The following CNTNAP4 variants were observed in gnomAD, a reference collection of about 807,000 sequenced individuals.
The protein encoded by CNTNAP4 is contactin associated protein family member 4, also known as contactin-associated protein-like 4.
CNTNAP4 carries 98 observed loss-of-function variants against 148.4 expected under a neutral mutation model. The ratio of observed to expected loss-of-function variants is 0.66; its 90% CI spans 0.56 to 0.78. The LOEUF (loss-of-function observed/expected upper bound fraction) is 0.78. Ranked by LOEUF, CNTNAP4 falls within the 30% of genes least tolerant of loss-of-function variation. The pLI, the probability that CNTNAP4 is intolerant of heterozygous loss-of-function variation, is 0.00. For synonymous variants in CNTNAP4, 730 were observed against 565.1 expected, an observed-to-expected ratio of 1.29 and a Z score of -4.14; for missense variants, 1,935 against 1,565.6, an observed-to-expected ratio of 1.24 and a Z score of -3.98.
chr16:76,553,722 G>A (rs541034063), intron 22 of CNTNAP4, 114 bp from the exon 23 acceptor site: 5 of 692,348 alleles, frequency 7.2e-6, no homozygotes, highest in African/African-American at 3.6e-5. Flanking sequence ...AAATAACAGA[G>A]ATCCCACATT....
At chr16:76,338,767 A>G (rs530912955) in intron 2 of CNTNAP4, among the ~76,000 whole-genome samples, 254 of 152,304 alleles carry the variant, frequency 1.7e-3, no homozygotes, top group African/African-American at 5.9e-3. Context: ...GTAACCTTTC[A>G]TAAGTGACTT....
chr16:76,426,903 A>G (rs938775199), intron 3 of CNTNAP4, among the ~76,000 whole-genome samples: 1 of 152,174 alleles, frequency 6.6e-6, no homozygotes, highest in Non-Finnish European at 1.5e-5. Context: ...TGTATCTGGC[A>G]TTGTGCTGCT....
chr16:76,391,651 C>T (rs976987204), intron 3 of CNTNAP4, among the ~76,000 whole-genome samples: 3 of 152,184 alleles, frequency 2.0e-5, no homozygotes, highest in African/African-American at 7.2e-5. Context: ...CAATCAGAAC[C>T]TCTGAGTGTG....
chr16:76,546,457 C>A (rs1328181924), intron 21 of CNTNAP4, among the ~76,000 whole-genome samples: 1 of 152,102 alleles, frequency 6.6e-6, no homozygotes, highest in African/African-American at 2.4e-5. Flanking sequence ...GTGAACTGCA[C>A]ATGTGAAGGA....
rs373025323 is a variant in CNTNAP4 at position 76,363,787 on chromosome 16, A to G, written c.390+8276A>G. On this transcript the variant is annotated intron_variant, in intron 3 of 23. Coordinates refer to ENST00000611870, the MANE Select transcript of CNTNAP4 (RefSeq NM_033401.5). ...CATTTGGGTTTTAAATATGACCTCA[A>G]TCACAAGTCAACACAGTTAGTTTGC... Among the ~76,000 whole-genome samples the G allele has an allele frequency of 2.7e-4, 41 of 152,280 alleles. No individual in the cohort carries two copies. The South Asian group carries it at 7.7e-3, about 28-fold the overall frequency.
rs201298653 is a variant in CNTNAP4, at chr16:76,539,843, C to T, written c.3345C>T (p.Val1115=). Reference sequence around the variant, plus strand: ...TGATTAACAGAGAAGAAGGAGTGGTCTTTATAGAGGTAATGTAGTAAATTC... The same window carrying T: ...TGATTAACAGAGAAGAAGGAGTGGTTTTTATAGAGGTAATGTAGTAAATTC... ...HIMINREEGV[V]FIEIDDNRRR... is the part of the protein sequence containing the mutation. Residue 1115 remains valine (V), a synonymous_variant, in exon 20 of 24, where the codon GTC becomes GTT. Transcript: ENST00000611870. 6.3e-7 allele frequency: 1 copy of T among 1,590,414 alleles called. No homozygotes were observed. Among genetic ancestry groups the T allele is most frequent in the East Asian group, 2.3e-5 (1 of 43,984 alleles).
At chr16:76,420,226 T>G in intron 3 of CNTNAP4, among the ~76,000 whole-genome samples, 2 of 150,720 alleles carry the variant, frequency 1.3e-5, no homozygotes, top group Admixed American at 6.6e-5. Context: ...TATATTAGAA[T>G]AATGTATATT....
chr16:76,517,408 G>A (rs987311835), intron 15 of CNTNAP4, among the ~76,000 whole-genome samples: 7 of 152,100 alleles, frequency 4.6e-5, no homozygotes, highest in Non-Finnish European at 7.4e-5. Flanking sequence ...ACCTGCGTAA[G>A]AATCTACAAA....
intron 10 of CNTNAP4, among the ~76,000 whole-genome samples, chr16:76,474,809 A>C (rs1217694821): frequency 6.6e-6 from 1 of 152,212 alleles, no homozygotes; most frequent in East Asian, 1.9e-4. Flanking sequence ...TCGTAACACT[A>C]GCAATGTATC....
At chr16:76,486,320 G>A (rs566278489) in intron 12 of CNTNAP4, among the ~76,000 whole-genome samples, 93 of 152,252 alleles carry the variant, frequency 6.1e-4, no homozygotes, top group Non-Finnish European at 1.0e-3. Flanking sequence ...TTTTTAAAAT[G>A]CATTATTAAT....
At chr16:76,384,774 A>G (rs1012969655) in intron 3 of CNTNAP4, among the ~76,000 whole-genome samples, 1 of 152,188 alleles carries the variant, frequency 6.6e-6, no homozygotes, top group Non-Finnish European at 1.5e-5. Flanking sequence ...TATATAACAC[A>G]TTTTCAAATA....
intron 17 of CNTNAP4, among the ~76,000 whole-genome samples, chr16:76,529,314 TA>T (rs2083873387): frequency 6.6e-6 from 1 of 152,040 alleles, no homozygotes; most frequent in Non-Finnish European, 1.5e-5. Flanking sequence ...TATTGTCTTC[TA>T]AAAAATGTTT....
intron 2 of CNTNAP4, among the ~76,000 whole-genome samples, chr16:76,321,148 A>G (rs1043719534): frequency 5.3e-5 from 8 of 152,328 alleles, no homozygotes; most frequent in East Asian, 1.9e-4. Flanking sequence ...CTTCTATTCT[A>G]AATGGTTGTT....
intron 9 of CNTNAP4, among the ~76,000 whole-genome samples, chr16:76,464,863 T>C (rs961785582): frequency 6.6e-6 from 1 of 152,250 alleles, no homozygotes; most frequent in Non-Finnish European, 1.5e-5. Context: ...ATTGTGGTGG[T>C]ACATTCTGCT....
At position 76,277,839 on chromosome 16, in the gene CNTNAP4, A is replaced by G. The variant is rs114880308; in HGVS notation, c.85+92A>G. 6.2e-3 allele frequency: 5,127 copies of G among 825,250 alleles called. 181 individuals are homozygous for G. In the African/African-American group the frequency reaches 0.077, roughly 12 times the overall value. 51.1% of individuals were successfully genotyped at this position (825,250 alleles called of 1,614,324 possible). On this transcript the variant is annotated intron_variant, in intron 1 of 23. Coordinates refer to ENST00000611870, the MANE Select transcript of CNTNAP4 (RefSeq NM_033401.5). ...TTGATGATGATTATTTGCAGCTGGGATTGCTGCAAAGCGTATTGCTGTAAA... is the reference window on the plus strand; with the variant it reads ...TTGATGATGATTATTTGCAGCTGGGGTTGCTGCAAAGCGTATTGCTGTAAA...
chr16:76,512,013 G>C (rs1258901677), intron 15 of CNTNAP4, among the ~76,000 whole-genome samples: 1 of 152,048 alleles, frequency 6.6e-6, no homozygotes, highest in African/African-American at 2.4e-5. Context: ...AAGAAAACAG[G>C]AATGCAAGGC....
In CNTNAP4 at chr16:76,522,610, T is replaced by TTTCCTTCC. The variant is rs764499941; in HGVS notation, c.2755+373_2755+380dup. Among the ~76,000 whole-genome samples the TTTCCTTCC allele has an allele frequency of 5.1e-3, 304 of 59,648 alleles. 29 individuals are homozygous for TTTCCTTCC. The highest frequency in any genetic ancestry group is 0.012 in the Admixed American group (72 of 6,030). The allele number at this position is 59,648 out of a possible 152,430, so 39.1% of individuals were successfully genotyped here. A position where few individuals can be genotyped will look rare whatever the true frequency, so the allele number is the denominator to read the frequency against. On this transcript the variant is annotated intron_variant, in intron 17 of 23. Coordinates refer to ENST00000611870, the MANE Select transcript of CNTNAP4 (RefSeq NM_033401.5). The stretch of plus-strand genomic sequence containing the variant: ...TCTCTCTCTCTCTTTCTTTTCTTTA[T>TTTCCTTCC]TTCCTTCCTTCCTTCCTTCCTTCCT...
intron 21 of CNTNAP4, among the ~76,000 whole-genome samples, chr16:76,548,911 C>T (rs1244744592): frequency 6.6e-6 from 1 of 152,184 alleles, no homozygotes; most frequent in Non-Finnish European, 1.5e-5. Context: ...ATTTCTAAGG[C>T]CAGCTTTGCT....
At chr16:76,278,079 C>CT (rs1204394737) in intron 1 of CNTNAP4, among the ~76,000 whole-genome samples, 1 of 152,124 alleles carries the variant, frequency 6.6e-6, no homozygotes. Flanking sequence ...TTCATTTCTT[C>CT]TTTTTTAAAG....
Sources: allele counts gnomAD v4.1 joint callset (sites outside exome capture counted in the v4.1 genomes callset), GRCh38; gene constraint gnomAD v4.1.1; transcripts MANE v1.5; gene names NCBI Gene and HGNC (gene_info 2026-07-23, HGNC 2026-07-21).